The following ROBO2 variants were observed in gnomAD, a reference collection of about 807,000 sequenced individuals.
ROBO2 encodes roundabout homolog 2.
A neutral mutation model predicts 160.8 loss-of-function variants in ROBO2; 53 were observed. That is an observed-to-expected ratio of 0.33 (90% CI 0.26 to 0.41). ROBO2 has a LOEUF of 0.41. Ranked by LOEUF, ROBO2 falls within the 10% of genes least tolerant of loss-of-function variation. The pLI is 1.00. For synonymous variants in ROBO2, 664 were observed against 611.7 expected (o/e 1.09, Z -1.26); for missense variants, 1,577 against 1,722.4 (o/e 0.92, Z 1.49).
chr3:77,128,631 A>G (rs1425550670), intron 2 of ROBO2, among the ~76,000 whole-genome samples: 1 of 152,064 alleles, frequency 6.6e-6, no homozygotes, highest in Non-Finnish European at 1.5e-5. Context: ...ATATTTTCCC[A>G]TATTATGTTT....
intron 2 of ROBO2, among the ~76,000 whole-genome samples, chr3:76,100,742 T>A (rs2108162125): frequency 6.6e-6 from 1 of 152,318 alleles, no homozygotes; most frequent in African/African-American, 2.4e-5. Flanking sequence ...ACAAACATAC[T>A]TGTAACTCAG....
chr3:76,671,233 AT>A (rs2092251692), intron 2 of ROBO2, among the ~76,000 whole-genome samples: 2 of 152,164 alleles, frequency 1.3e-5, no homozygotes, highest in Admixed American at 1.3e-4. Context: ...AATGGAAGAC[AT>A]TATATTAGAC....
chr3:76,434,875 C>G (rs2076599019), intron 2 of ROBO2: 6 of 1,586,698 alleles, frequency 3.8e-6, no homozygotes, highest in Non-Finnish European at 4.3e-6. Flanking sequence ...CAGAGTGGTC[C>G]AGTATGCAGT....
At chr3:77,455,179 A>G (rs772436689) in intron 2 of ROBO2, among the ~76,000 whole-genome samples, 26 of 152,334 alleles carry the variant, frequency 1.7e-4, no homozygotes, top group Non-Finnish European at 3.7e-4. Context: ...TATAAATAGC[A>G]AATCTTGCAT....
At chr3:77,460,347 G>A (rs755412220) in intron 2 of ROBO2, among the ~76,000 whole-genome samples, 2 of 152,088 alleles carry the variant, frequency 1.3e-5, no homozygotes, top group Non-Finnish European at 2.9e-5. Flanking sequence ...TTCCATTTTG[G>A]TAATGTTGAG....
At chr3:76,232,278 GA>G (rs1704665650) in intron 2 of ROBO2, among the ~76,000 whole-genome samples, 1 of 152,204 alleles carries the variant, frequency 6.6e-6, no homozygotes, top group African/African-American at 2.4e-5. Flanking sequence ...GTAGACTTGA[GA>G]AGAGAAGAAA....
intron 2 of ROBO2, among the ~76,000 whole-genome samples, chr3:77,455,377 C>A (rs961863608): frequency 6.6e-6 from 1 of 152,160 alleles, no homozygotes; most frequent in Non-Finnish European, 1.5e-5. Context: ...TAATCGCTGA[C>A]ATGTGAATAT....
intron 2 of ROBO2, among the ~76,000 whole-genome samples, chr3:77,252,170 C>T (rs768529786): frequency 2.6e-5 from 4 of 152,136 alleles, no homozygotes; most frequent in Non-Finnish European, 5.9e-5. Context: ...ACGACGTGAA[C>T]ATTATTCTGT....
chr3:76,821,554 T>A (rs1252712053), intron 2 of ROBO2, among the ~76,000 whole-genome samples: 1 of 152,060 alleles, frequency 6.6e-6, no homozygotes, highest in Non-Finnish European at 1.5e-5. Context: ...TCTTTTTATA[T>A]TTCAATTTTC....
At chr3:77,313,477 C>G (rs927087549) in intron 2 of ROBO2, among the ~76,000 whole-genome samples, 11 of 152,130 alleles carry the variant, frequency 7.2e-5, no homozygotes, top group Non-Finnish European at 1.5e-4. Context: ...TTCCTCATGT[C>G]TAGCTGTAAT....
chr3:77,280,169 T>C lies in ROBO2; in HGVS notation c.388+181829T>C, dbSNP rs554706385. Among the ~76,000 whole-genome samples, 4 of 152,264 alleles carry C rather than the reference T, an allele frequency of 2.6e-5. No homozygotes were observed. In the East Asian group the frequency reaches 7.7e-4, roughly 29 times the overall value. Reference sequence around the variant, plus strand: ...CATTCTAATCTGGCCTCGATTCTAATTCTTATGCTTTCTATAAATGCATGA... The same window carrying C: ...CATTCTAATCTGGCCTCGATTCTAACTCTTATGCTTTCTATAAATGCATGA... On this transcript the variant is annotated intron_variant, in intron 2 of 25. Transcript: ENST00000461745.
At chr3:76,448,218 T>C (rs2077298500) in intron 2 of ROBO2, among the ~76,000 whole-genome samples, 1 of 152,108 alleles carries the variant, frequency 6.6e-6, no homozygotes, top group Admixed American at 6.6e-5. Flanking sequence ...TGTGCATGAA[T>C]ATGTAAGGTA....
chr3:77,441,292 G>A (rs2079894092), intron 2 of ROBO2, among the ~76,000 whole-genome samples: 1 of 151,208 alleles, frequency 6.6e-6, no homozygotes, highest in Admixed American at 6.6e-5. Context: ...ACAGAGACGG[G>A]AATGTATATG....
chr3:77,386,704 G>A (rs1239481142), intron 2 of ROBO2, among the ~76,000 whole-genome samples: 1 of 141,794 alleles, frequency 7.1e-6, no homozygotes, highest in African/African-American at 2.6e-5. Flanking sequence ...CCAGGTTAAA[G>A]TGATTCTCGT....
At chr3:76,556,821 G>A (rs952842973) in intron 2 of ROBO2, among the ~76,000 whole-genome samples, 2 of 152,118 alleles carry the variant, frequency 1.3e-5, no homozygotes, top group East Asian at 1.9e-4. Context: ...CAAATAACAC[G>A]TAAAAAATAA....
chr3:76,845,001 C>T (rs1321025420), intron 2 of ROBO2, among the ~76,000 whole-genome samples: 1 of 151,818 alleles, frequency 6.6e-6, no homozygotes, highest in African/African-American at 2.4e-5. Context: ...CTATTTTCAG[C>T]CTGGGCCTTA....
At chr3:76,179,574 C>T (rs1463449493) in intron 2 of ROBO2, among the ~76,000 whole-genome samples, 5 of 152,100 alleles carry the variant, frequency 3.3e-5, no homozygotes, top group Non-Finnish European at 2.9e-5. Flanking sequence ...TATACATCAC[C>T]ATCTTCTGTT....
At chr3:77,311,238 G>T (rs1334145496) in intron 2 of ROBO2, among the ~76,000 whole-genome samples, 1 of 151,994 alleles carries the variant, frequency 6.6e-6, no homozygotes, top group South Asian at 2.1e-4. Context: ...TTTGCTAAAG[G>T]CCACAAAACT....
At chr3:76,832,125 A>G (rs2067146178) in intron 2 of ROBO2, among the ~76,000 whole-genome samples, 1 of 152,214 alleles carries the variant, frequency 6.6e-6, no homozygotes, top group Admixed American at 6.5e-5. Flanking sequence ...GACTTCATTT[A>G]ATGCTTTCAC....
Sources: gnomAD v4.1 joint callset for allele counts (sites outside exome capture counted in the v4.1 genomes callset) on GRCh38, gnomAD v4.1.1 for gene constraint, MANE v1.5 for transcripts, NCBI Gene and HGNC (gene_info 2026-07-23, HGNC 2026-07-21) for gene names.